Variants in DLGAP2 observed in about 807,000 individuals in gnomAD.
DLGAP2 encodes the protein disks large-associated protein 2.
DLGAP2 carries 26 observed loss-of-function variants against 100.3 expected under a neutral mutation model. The ratio of observed to expected loss-of-function variants is 0.26; its 90% CI spans 0.19 to 0.36. The LOEUF is 0.36. Among genes scored for constraint, DLGAP2 ranks in the 10% least tolerant of loss-of-function variants. DLGAP2 has a pLI of 1.00. For missense variants in DLGAP2, 1,858 were observed against 1,453.2 expected (o/e 1.28, Z -4.53); for synonymous variants, 886 against 630.1 (o/e 1.41, Z -6.08).
chr8:1,668,406 A>C lies in DLGAP2; in HGVS notation c.1888A>C (p.Thr630Pro). Residue 630 changes from threonine (T) to proline (P), a missense_variant, in exon 9 of 15, where the codon ACG (threonine) becomes CCG (proline). Physicochemically the swap from Thr to Pro is conservative, Grantham distance 38 (BLOSUM62 -1). Coordinates refer to ENST00000637795, the MANE Select transcript of DLGAP2 (RefSeq NM_001346810.2). ...CACCTCCAAGCCTCTGATCTCGGTG[A>C]CGGCGCAGAGCAGCACCGAATCCAC... ...RTTSKPLISV[T>P]AQSSTESTQD... 6.2e-7 allele frequency: 1 copy of C among 1,600,920 alleles called. No individual in the cohort carries two copies. The highest frequency in any genetic ancestry group is 2.3e-5 in the East Asian group (1 of 44,096).
At chr8:890,071 C>T (rs756600304) in intron 1 of DLGAP2, among the ~76,000 whole-genome samples, 3 of 152,162 alleles carry the variant, frequency 2.0e-5, no homozygotes, top group Non-Finnish European at 4.4e-5. Context: ...CTGTGGGTCA[C>T]GCCAGCCTTC....
intron 2 of DLGAP2, among the ~76,000 whole-genome samples, chr8:1,097,630 C>G (rs6986501): frequency 3.4e-4 from 35 of 103,916 alleles, no homozygotes; most frequent in East Asian, 1.1e-3. Flanking sequence ...CCAGCTCCCT[C>G]TGCTCAGGAG....
At chr8:1,465,452 C>G (rs1798598890) in intron 3 of DLGAP2, among the ~76,000 whole-genome samples, 1 of 149,976 alleles carries the variant, frequency 6.7e-6, no homozygotes, top group South Asian at 2.2e-4. Context: ...GCGTGGGGTT[C>G]CATTAATTTG....
intron 2 of DLGAP2, among the ~76,000 whole-genome samples, chr8:1,070,154 C>T (rs1803382798): frequency 6.6e-6 from 1 of 152,198 alleles, no homozygotes; most frequent in Non-Finnish European, 1.5e-5. Context: ...CACCTCTTTG[C>T]TCTCTGCTCT....
At chr8:1,387,818 C>T (rs1397436224) in intron 3 of DLGAP2, among the ~76,000 whole-genome samples, 1 of 152,126 alleles carries the variant, frequency 6.6e-6, no homozygotes, top group Non-Finnish European at 1.5e-5. Context: ...CAGGAAAAGG[C>T]ATGAAATTGT....
rs879822000 is a variant in DLGAP2 at position 1,610,472 on chromosome 8, A to C, written c.1443-16268A>C. 6.8e-4 allele frequency among the ~76,000 whole-genome samples: 101 copies of C among 148,022 alleles called. 1 individual carries two copies. The highest frequency in any genetic ancestry group is 6.8e-3 in the Middle Eastern group (2 of 292). ...AAATTGACACCCTAACATCACAATT[A>C]AAAGAACTAGAAAAGCAAGAGCAAA... On this transcript the variant is annotated intron_variant, in intron 6 of 14. Transcript: ENST00000637795.
intron 3 of DLGAP2, among the ~76,000 whole-genome samples, chr8:1,323,329 C>G (rs1338768360): frequency 6.6e-6 from 1 of 152,182 alleles, no homozygotes; most frequent in Non-Finnish European, 1.5e-5. Context: ...TGCACCCGGC[C>G]TGAAACTCAC....
intron 2 of DLGAP2, among the ~76,000 whole-genome samples, chr8:1,094,422 C>A (rs980749053): frequency 6.6e-6 from 1 of 152,186 alleles, no homozygotes. Context: ...CTGAGGCCTT[C>A]CTGTCAGTAC....
chr8:846,900 G>C (rs1471348207), intron 1 of DLGAP2, among the ~76,000 whole-genome samples: 2 of 152,048 alleles, frequency 1.3e-5, no homozygotes, highest in Non-Finnish European at 2.9e-5. Context: ...GTTTTGTTTA[G>C]GGTTATTCTA....
At position 801,024 on chromosome 8, in the gene DLGAP2, G is replaced by A. The variant is rs116786749; in HGVS notation, c.18+63199G>A. Among the ~76,000 whole-genome samples, 528 of 152,104 alleles carry A rather than the reference G, an allele frequency of 3.5e-3. 4 individuals carry two copies. The highest frequency in any genetic ancestry group is 0.012 in the African/African-American group (483 of 41,492). On this transcript the variant is annotated intron_variant, in intron 1 of 14. Coordinates refer to ENST00000637795, the MANE Select transcript of DLGAP2 (RefSeq NM_001346810.2). ...ATACACCTTCAATGGCTGGTTTGGG[G>A]TTTCTGGCTCATGAATCCTGTTGAT...
At chr8:828,365 T>A (rs1195314557) in intron 1 of DLGAP2, among the ~76,000 whole-genome samples, 3 of 152,200 alleles carry the variant, frequency 2.0e-5, no homozygotes, top group Non-Finnish European at 4.4e-5. Context: ...GTGCACATTC[T>A]CTTTCTCAGG....
At chr8:954,115 T>C (rs1799543911) in intron 2 of DLGAP2, among the ~76,000 whole-genome samples, 2 of 152,130 alleles carry the variant, frequency 1.3e-5, no homozygotes, top group South Asian at 4.1e-4. Flanking sequence ...AGAGTGTCAG[T>C]GGCTCCCAGG....
chr8:1,156,050 G>T (rs1796778342), intron 2 of DLGAP2, among the ~76,000 whole-genome samples: 1 of 152,152 alleles, frequency 6.6e-6, no homozygotes, highest in African/African-American at 2.4e-5. Context: ...ACACCCGCAC[G>T]GCTGATGCCC....
At chr8:1,230,916 A>G (rs1798522335) in intron 2 of DLGAP2, among the ~76,000 whole-genome samples, 1 of 152,186 alleles carries the variant, frequency 6.6e-6, no homozygotes, top group Non-Finnish European at 1.5e-5. Flanking sequence ...AAGAAAAAAA[A>G]TAGGAAACAC....
intron 2 of DLGAP2, among the ~76,000 whole-genome samples, chr8:1,113,869 C>A (rs964122199): frequency 6.6e-6 from 1 of 152,040 alleles, no homozygotes; most frequent in African/African-American, 2.4e-5. Context: ...GAGGTATGTT[C>A]CTTCAATACC....
rs146634829 is a variant in DLGAP2, at chr8:1,112,540, G to A, written c.74-146311G>A. On this transcript the variant is annotated intron_variant, in intron 2 of 14. Coordinates refer to ENST00000637795, the MANE Select transcript of DLGAP2 (RefSeq NM_001346810.2). ...CAGGCGTGAGCCACCGCGCCCGGGC[G>A]TCCTTTGCCCACTTTTTAATAGGGT... 2.5e-3 allele frequency among the ~76,000 whole-genome samples: 386 copies of A among 152,134 alleles called. 4 individuals carry two copies. Among genetic ancestry groups the A allele is most frequent in the Middle Eastern group, 0.01 (3 of 294 alleles).
intron 2 of DLGAP2, among the ~76,000 whole-genome samples, chr8:973,643 C>T (rs1157035261): frequency 1.3e-5 from 2 of 152,278 alleles, no homozygotes; most frequent in Non-Finnish European, 2.9e-5. Flanking sequence ...GAGCCGAGAT[C>T]ACGCCACTGC....
At chr8:827,155 G>T (rs941411163) in intron 1 of DLGAP2, among the ~76,000 whole-genome samples, 1 of 152,148 alleles carries the variant, frequency 6.6e-6, no homozygotes. Flanking sequence ...AGCCTACAGT[G>T]CCTGGACAGC....
chr8:1,078,797 A>G (rs1197213624), intron 2 of DLGAP2, among the ~76,000 whole-genome samples: 2 of 152,164 alleles, frequency 1.3e-5, no homozygotes, highest in Non-Finnish European at 2.9e-5. Flanking sequence ...TAGTTTATTC[A>G]TTCACCTAAT....
Sources: allele counts gnomAD v4.1 joint callset (sites outside exome capture counted in the v4.1 genomes callset), GRCh38; gene constraint gnomAD v4.1.1; transcripts MANE v1.5; gene names NCBI Gene and HGNC (gene_info 2026-07-23, HGNC 2026-07-21).